Variants in MAD1L1 observed in about 807,000 individuals in gnomAD.
MAD1L1 encodes mitotic spindle assembly checkpoint protein MAD1.
A neutral mutation model predicts 96.9 loss-of-function variants in MAD1L1; 95 were observed. That is an observed-to-expected ratio of 0.98 (90% confidence interval 0.83 to 1.16). MAD1L1 has a LOEUF of 1.16. MAD1L1 is among the 50% of genes most tolerant of loss of function. MAD1L1 has a pLI of 0.00. For missense variants in MAD1L1, 1,007 were observed against 954.4 expected (o/e 1.06, Z -0.73); for synonymous variants, 473 against 396.6 (o/e 1.19, Z -2.29).
chr7:2,015,963 C>T (rs749546163), intron 12 of MAD1L1, among the ~76,000 whole-genome samples: 8 of 152,164 alleles, frequency 5.3e-5, no homozygotes, highest in Non-Finnish European at 1.0e-4. Context: ...GGTAGTAGAG[C>T]CCAGGAAGAA....
intron 11 of MAD1L1, among the ~76,000 whole-genome samples, chr7:2,125,620 C>T (rs1427274040): frequency 6.6e-6 from 1 of 152,184 alleles, no homozygotes; most frequent in Admixed American, 6.5e-5. Context: ...CGGCAGGAGG[C>T]TGGCTCGAGG....
At chr7:2,122,884 G>A (rs1047750370) in intron 11 of MAD1L1, among the ~76,000 whole-genome samples, 4 of 152,216 alleles carry the variant, frequency 2.6e-5, no homozygotes, top group African/African-American at 4.8e-5. Context: ...GACGGCCGCC[G>A]TCCACCCAGC....
chr7:1,994,077 C>G lies in MAD1L1; in HGVS notation c.1416+7988G>C, dbSNP rs145324826. 1.6e-4 allele frequency among the ~76,000 whole-genome samples: 24 copies of G among 152,348 alleles called. No individual in the cohort carries two copies. In the East Asian group the frequency reaches 4.4e-3, roughly 28 times the overall value. ...ACGGGCAGGTCACTAATCCTGGCTG[C>G]CCCTGTTCCTCGTCTGAGTATCTGG... is the stretch of plus-strand genomic sequence containing the variant. On this transcript the variant is annotated intron_variant, in intron 14 of 18. Transcript: ENST00000265854.
At chr7:1,852,559 G>T (rs972308063) in intron 18 of MAD1L1, among the ~76,000 whole-genome samples, 2 of 152,202 alleles carry the variant, frequency 1.3e-5, no homozygotes, top group Admixed American at 1.3e-4. Context: ...AGAGGTCCGG[G>T]TGACGTTATG....
chr7:2,229,143 C>A (rs567994355), intron 3 of MAD1L1, among the ~76,000 whole-genome samples: 7 of 152,292 alleles, frequency 4.6e-5, no homozygotes, highest in Non-Finnish European at 8.8e-5. Context: ...GCTCTGAGAG[C>A]GCAGGAAGCC....
chr7:2,093,055 G>C (rs1164001854), intron 11 of MAD1L1, among the ~76,000 whole-genome samples: 1 of 151,448 alleles, frequency 6.6e-6, no homozygotes, highest in East Asian at 1.9e-4. Flanking sequence ...GGCCAATATG[G>C]TGAAACCCCG....
chr7:1,934,510 C>G (rs144674233), intron 17 of MAD1L1, among the ~76,000 whole-genome samples: 109 of 150,236 alleles, frequency 7.3e-4, no homozygotes, highest in African/African-American at 2.5e-3. Context: ...ACCCAGACAA[C>G]AAGGAAAGGA....
rs560734090 is a variant in MAD1L1 at position 2,124,867 on chromosome 7, G to A, written c.1073+24285C>T. On this transcript the variant is annotated intron_variant, in intron 11 of 18. Coordinates refer to ENST00000265854, the MANE Select transcript of MAD1L1 (RefSeq NM_001013836.2). ...CGGGTGAAGGAGGACGCAGGGGCTC[G>A]GCCAGTGATGCCAGCGGGCCTCCCT... is the stretch of plus-strand genomic sequence containing the variant. 2.0e-5 allele frequency among the ~76,000 whole-genome samples: 3 copies of A among 152,314 alleles called. No individual in the cohort carries two copies. The South Asian group carries it at 6.2e-4, about 32-fold the overall frequency.
intron 15 of MAD1L1, among the ~76,000 whole-genome samples, chr7:1,977,514 G>A (rs1299666177): frequency 3.3e-5 from 5 of 152,326 alleles, no homozygotes; most frequent in East Asian, 1.9e-4. Flanking sequence ...ACACCTCCCC[G>A]CAAGCAGAGG....
At chr7:1,990,042 C>T (rs531845723) in intron 14 of MAD1L1, among the ~76,000 whole-genome samples, 1 of 152,376 alleles carries the variant, frequency 6.6e-6, no homozygotes, top group East Asian at 1.9e-4. Flanking sequence ...AGCTGGGTAA[C>T]TCCCCCCACC....
intron 17 of MAD1L1, among the ~76,000 whole-genome samples, chr7:1,899,156 G>A (rs1286413677): frequency 2.0e-5 from 3 of 152,312 alleles, no homozygotes; most frequent in East Asian, 1.9e-4. Flanking sequence ...CAGAGTTTAC[G>A]GCTGCTTGGG....
intron 11 of MAD1L1, among the ~76,000 whole-genome samples, chr7:2,107,008 C>A (rs1787135854): frequency 6.6e-6 from 1 of 152,248 alleles, no homozygotes; most frequent in Non-Finnish European, 1.5e-5. Flanking sequence ...TGTGTTCTCA[C>A]AGGGCCCGGC....
intron 3 of MAD1L1, among the ~76,000 whole-genome samples, chr7:2,226,591 C>G (rs1242465525): frequency 1.3e-5 from 2 of 152,220 alleles, no homozygotes; most frequent in African/African-American, 4.8e-5. Flanking sequence ...GAGGAAAAGG[C>G]AGAGTCACTG....
intron 18 of MAD1L1, among the ~76,000 whole-genome samples, chr7:1,822,011 G>A (rs988263097): frequency 2.6e-5 from 4 of 152,086 alleles, no homozygotes; most frequent in African/African-American, 7.2e-5. Context: ...CGGCACACGT[G>A]GAAAACCCTA....
chr7:1,933,099 C>T (rs1017308352), intron 17 of MAD1L1, among the ~76,000 whole-genome samples: 3 of 152,088 alleles, frequency 2.0e-5, no homozygotes, highest in African/African-American at 7.3e-5. Context: ...GGGTTCCCTC[C>T]CCGCTGACGC....
intron 18 of MAD1L1, among the ~76,000 whole-genome samples, chr7:1,888,341 C>T (rs1203125309): frequency 7.2e-6 from 1 of 139,734 alleles, no homozygotes; most frequent in Non-Finnish European, 1.6e-5. Context: ...CGTGCGGCTG[C>T]CTGTGCATGT....
chr7:1,944,165 G>C (rs1267814490), intron 16 of MAD1L1, among the ~76,000 whole-genome samples: 3 of 152,202 alleles, frequency 2.0e-5, no homozygotes, highest in Non-Finnish European at 4.4e-5. Flanking sequence ...ACAACAGACA[G>C]ACCCACAGAG....
intron 18 of MAD1L1, among the ~76,000 whole-genome samples, chr7:1,879,523 C>A (rs1229263543): frequency 3.3e-5 from 5 of 151,110 alleles, no homozygotes; most frequent in African/African-American, 1.2e-4. Flanking sequence ...TAATCCAAAT[C>A]AAAGTCCCAG....
intron 14 of MAD1L1, chr7:1,980,862 C>G: frequency 2.2e-6 from 1 of 448,170 alleles, no homozygotes; most frequent in Non-Finnish European, 4.3e-6. Flanking sequence ...CGCTCCAACG[C>G]TGCCGTCGGT....
Sources: gnomAD v4.1 joint callset for allele counts (sites outside exome capture counted in the v4.1 genomes callset) on GRCh38, gnomAD v4.1.1 for gene constraint, MANE v1.5 for transcripts, NCBI Gene and HGNC (gene_info 2026-07-23, HGNC 2026-07-21) for gene names.